Variants in BICD1 observed in about 807,000 individuals in gnomAD.
The protein encoded by BICD1 is BICD cargo adaptor 1.
A neutral mutation model predicts 92.5 loss-of-function variants in BICD1; 35 were observed. The observed-to-expected ratio is 0.38, with a 90% CI of 0.29 to 0.50. The LOEUF is 0.50. Ranked by LOEUF, BICD1 falls within the 20% of genes least tolerant of loss-of-function variation. The probability of loss-of-function intolerance (pLI) is 0.93; values close to 1 mark genes in which losing one functional copy is unlikely to be tolerated. For missense variants in BICD1, 950 were observed against 1,189.8 expected (o/e 0.80, Z 2.97); for synonymous variants, 429 against 465.1 (o/e 0.92, Z 1.00).
At chr12:32,376,385 C>A (rs1348955087) in intron 9 of BICD1, among the ~76,000 whole-genome samples, 2 of 152,044 alleles carry the variant, frequency 1.3e-5, no homozygotes, top group African/African-American at 4.8e-5. Context: ...CCGCGCCCGG[C>A]CGCTAGTCAA....
intron 8 of BICD1, chr12:32,340,669 TA>T: frequency 2.9e-6 from 1 of 342,190 alleles, no homozygotes; most frequent in Non-Finnish European, 4.1e-6. Context: ...TTTATATTGT[TA>T]TCATTACATT....
At chr12:32,211,449 AATGTTT>A (rs1945212524) in intron 1 of BICD1, among the ~76,000 whole-genome samples, 1 of 152,140 alleles carries the variant, frequency 6.6e-6, no homozygotes, top group Non-Finnish European at 1.5e-5. Flanking sequence ...CTACATCTGA[AATGTTT>A]ATCTCCTTTG....
At chr12:32,149,997 A>C (rs549184050) in intron 1 of BICD1, among the ~76,000 whole-genome samples, 2 of 152,318 alleles carry the variant, frequency 1.3e-5, no homozygotes, top group East Asian at 3.9e-4. Flanking sequence ...CAGTCATGGC[A>C]GAAGGTGAAG....
At chr12:32,187,659 G>A (rs1240283080) in intron 1 of BICD1, among the ~76,000 whole-genome samples, 5 of 152,084 alleles carry the variant, frequency 3.3e-5, no homozygotes, top group South Asian at 2.1e-4. Context: ...GCAACAGAGC[G>A]AGACTCCATA....
intron 1 of BICD1, among the ~76,000 whole-genome samples, chr12:32,157,677 C>T (rs1488346401): frequency 2.6e-5 from 4 of 152,220 alleles, no homozygotes; most frequent in Non-Finnish European, 2.9e-5. Context: ...TTCATCCTCT[C>T]AGCATGACAG....
intron 1 of BICD1, among the ~76,000 whole-genome samples, chr12:32,195,839 A>G (rs1195763621): frequency 1.3e-5 from 2 of 152,204 alleles, no homozygotes; most frequent in Non-Finnish European, 2.9e-5. Flanking sequence ...AAATTAAAAG[A>G]CAGCCTAAAG....
intron 1 of BICD1, among the ~76,000 whole-genome samples, chr12:32,165,719 T>C (rs11051825): frequency 0.33 from 49,156 of 151,038 alleles, 8,519 homozygotes; most frequent in Admixed American, 0.48. Context: ...GTTGATGCTC[T>C]GTCAAAACTC....
intron 1 of BICD1, among the ~76,000 whole-genome samples, chr12:32,176,232 T>C (rs1250537643): frequency 6.6e-6 from 1 of 152,232 alleles, no homozygotes; most frequent in Non-Finnish European, 1.5e-5. Flanking sequence ...TTCATTTCTT[T>C]TCAGTAGGTA....
intron 8 of BICD1, among the ~76,000 whole-genome samples, chr12:32,346,099 T>C (rs944028502): frequency 2.0e-5 from 3 of 150,890 alleles, no homozygotes; most frequent in African/African-American, 7.3e-5. Flanking sequence ...CAGTGAGCCA[T>C]GATCGTGCAA....
At chr12:32,281,911 C>T (rs1400831730) in intron 2 of BICD1, among the ~76,000 whole-genome samples, 3 of 152,020 alleles carry the variant, frequency 2.0e-5, no homozygotes, top group East Asian at 3.9e-4. Flanking sequence ...AGTGGTTAAA[C>T]CGTTACTGAC....
chr12:32,298,870 CA>C (rs59280755), intron 3 of BICD1, among the ~76,000 whole-genome samples: 907 of 56,088 alleles, frequency 0.016, 2 homozygotes, highest in East Asian at 0.053. Context: ...AACTCCATCT[CA>C]AAAAAAAAAA....
intron 1 of BICD1, among the ~76,000 whole-genome samples, chr12:32,171,986 C>CATAT (rs201564098): frequency 0.073 from 8,427 of 115,630 alleles, 349 homozygotes; most frequent in East Asian, 0.19. Flanking sequence ...CACACACACA[C>CATAT]ACACTAAAAC....
At chr12:32,367,810 T>C in intron 9 of BICD1, 65 bp downstream of exon 9, 1 of 1,426,846 alleles carries the variant, frequency 7.0e-7, no homozygotes, top group East Asian at 2.3e-5. Flanking sequence ...CCAGCTCCCC[T>C]TTCCGACACC....
chr12:32,266,874 T>A (rs986708147), intron 2 of BICD1, among the ~76,000 whole-genome samples: 3 of 136,810 alleles, frequency 2.2e-5, no homozygotes, highest in East Asian at 2.3e-4. Flanking sequence ...AAAAAAAAAA[T>A]TTAGAATGAG....
At chr12:32,189,841 G>GTA (rs1464839999) in intron 1 of BICD1, among the ~76,000 whole-genome samples, 5 of 151,946 alleles carry the variant, frequency 3.3e-5, no homozygotes, top group African/African-American at 1.2e-4. Context: ...TGGGACTACA[G>GTA]GCACGCACCA....
At chr12:32,147,254 A>AG in intron 1 of BICD1, among the ~76,000 whole-genome samples, 1 of 152,252 alleles carries the variant, frequency 6.6e-6, no homozygotes, top group South Asian at 2.1e-4. Context: ...CAAGAACAAG[A>AG]GAGACCAATG....
chr12:32,127,857 A>G (rs1196984503), intron 1 of BICD1, among the ~76,000 whole-genome samples: 1 of 151,668 alleles, frequency 6.6e-6, no homozygotes, highest in Non-Finnish European at 1.5e-5. Context: ...AGGGAACTCA[A>G]TTGTCTAATT....
At chr12:32,138,932 T>C (rs1942817406) in intron 1 of BICD1, among the ~76,000 whole-genome samples, 2 of 152,188 alleles carry the variant, frequency 1.3e-5, no homozygotes, top group Admixed American at 1.3e-4. Context: ...AGTGGCATTA[T>C]TGTACATTCT....
At chr12:32,165,241 C>T (rs1310517495) in intron 1 of BICD1, among the ~76,000 whole-genome samples, 1 of 152,128 alleles carries the variant, frequency 6.6e-6, no homozygotes, top group Non-Finnish European at 1.5e-5. Context: ...GTTGGCCGGG[C>T]GCGGTGGCTC....
Sources: allele counts gnomAD v4.1 joint callset (sites outside exome capture counted in the v4.1 genomes callset), GRCh38; gene constraint gnomAD v4.1.1; transcripts MANE v1.5; gene names NCBI Gene and HGNC (gene_info 2026-07-23, HGNC 2026-07-21).